Variants in ISM1 observed in about 807,000 individuals in gnomAD.
ISM1 encodes isthmin-1.
Under a neutral mutation model 46.3 loss-of-function variants are expected in ISM1, and 25 were observed. The ratio of observed to expected loss-of-function variants is 0.54; its 90% CI spans 0.39 to 0.75. ISM1 has a LOEUF of 0.75. Ranked by LOEUF, ISM1 falls within the 30% of genes least tolerant of loss-of-function variation. ISM1 has a pLI of 0.00. For synonymous variants in ISM1, 255 were observed against 256.7 expected, an observed-to-expected ratio of 0.99 and a Z score of 0.06; for missense variants, 536 against 625.4, an observed-to-expected ratio of 0.86 and a Z score of 1.52.
intron 4 of ISM1, among the ~76,000 whole-genome samples, chr20:13,291,405 T>C (rs554571428): frequency 6.6e-6 from 1 of 152,300 alleles, no homozygotes; most frequent in East Asian, 1.9e-4. Flanking sequence ...TATTACACTG[T>C]AAAAGTTTGT....
chr20:13,301,676 T>C (rs1444814159), downstream of ISM1, among the ~76,000 whole-genome samples: 1 of 152,062 alleles, frequency 6.6e-6, no homozygotes. Flanking sequence ...CATATAGATT[T>C]GGTTTATAAT....
the ISM1 span, among the ~76,000 whole-genome samples, chr20:13,321,826 G>T: frequency 1.3e-5 from 2 of 152,176 alleles, no homozygotes; most frequent in East Asian, 3.9e-4. Flanking sequence ...TGTGTGTAGA[G>T]ACAGGAGAGG....
At chr20:13,249,706 G>A (rs771513579) in intron 1 of ISM1, among the ~76,000 whole-genome samples, 12 of 152,148 alleles carry the variant, frequency 7.9e-5, no homozygotes, top group African/African-American at 2.2e-4. Flanking sequence ...TTTGCCTTTC[G>A]GAACACACAA....
In ISM1 at chr20:13,299,588, T is replaced by G. The variant is rs2040440645; in HGVS notation, c.*129T>G. On this transcript the variant is annotated 3_prime_UTR_variant, in exon 6 of 6. Coordinates refer to ENST00000262487, the MANE Select transcript of ISM1 (RefSeq NM_080826.2). The surrounding 1 kb of genome is among the most constrained non-coding windows in gnomAD (Gnocchi z 5.8). The stretch of plus-strand genomic sequence containing the variant: ...ATATTTGTATATACCACATGAGTAT[T>G]TCTCATACATTACGCTAGGGGCGTG... The G allele has an allele frequency of 1.1e-6, 1 of 892,328 alleles. No homozygotes were observed. Among genetic ancestry groups the G allele is most frequent in the South Asian group, 1.7e-5 (1 of 58,652 alleles). 55.3% of individuals were successfully genotyped at this position (892,328 alleles called of 1,614,324 possible).
intron 1 of ISM1, among the ~76,000 whole-genome samples, chr20:13,232,197 C>T (rs2039596822): frequency 6.6e-6 from 1 of 152,130 alleles, no homozygotes; most frequent in African/African-American, 2.4e-5. Context: ...AACTAATAAA[C>T]TGTACATATT....
At chr20:13,227,109 C>T (rs1177221711) in intron 1 of ISM1, among the ~76,000 whole-genome samples, 1 of 152,132 alleles carries the variant, frequency 6.6e-6, no homozygotes, top group Non-Finnish European at 1.5e-5. Flanking sequence ...ATTAATATTG[C>T]AACTTCTGCT....
rs557322285 is a variant in ISM1 at position 13,276,531 on chromosome 20, G to A, written c.379-3103G>A. Among the ~76,000 whole-genome samples the A allele has an allele frequency of 2.0e-5, 3 of 152,292 alleles. No homozygotes were observed. In the South Asian group the frequency reaches 6.2e-4, roughly 32 times the overall value. ...AGATTGTGCCAGAAATTGAACTTGAGGCTTTTGAAAGAGTTCCCTTTCTTT... is the reference window on the plus strand; with the variant it reads ...AGATTGTGCCAGAAATTGAACTTGAAGCTTTTGAAAGAGTTCCCTTTCTTT... On this transcript the variant is annotated intron_variant, in intron 2 of 5. Coordinates refer to ENST00000262487, the MANE Select transcript of ISM1 (RefSeq NM_080826.2).
At position 13,221,756 on chromosome 20, in the gene ISM1, A is replaced by G; in HGVS notation, c.-21A>G. 7.0e-7 allele frequency: 1 copy of G among 1,423,692 alleles called. No individual in the cohort carries two copies. Among genetic ancestry groups the G allele is most frequent in the Non-Finnish European group, 9.2e-7 (1 of 1,092,844 alleles). 88.2% of individuals were successfully genotyped at this position (1,423,692 alleles called of 1,614,324 possible). On this transcript the variant is annotated 5_prime_UTR_variant, in exon 1 of 6. It removes the in-frame stop codon of an upstream open reading frame in the 5' UTR. Coordinates refer to ENST00000262487, the MANE Select transcript of ISM1 (RefSeq NM_080826.2). The stretch of plus-strand genomic sequence containing the variant: ...GCCGCCGGCCGCCGCGCCGGGTCCT[A>G]AAGCCGCGCGTCTCAAAAGGATGGT...
chr20:13,243,959 A>G (rs1237837702), intron 1 of ISM1: 1 of 152,220 alleles, frequency 6.6e-6, no homozygotes, highest in East Asian at 1.9e-4. Context: ...TGGAATGAGG[A>G]TAGACCTCAA....
chr20:13,275,356 CT>C (rs1006021215), intron 2 of ISM1, among the ~76,000 whole-genome samples: 1 of 152,120 alleles, frequency 6.6e-6, no homozygotes, highest in African/African-American at 2.4e-5. Flanking sequence ...TCCTTTTTCT[CT>C]AAAATACTTT....
Position 13,248,429 on chromosome 20 carries a change from A to AT in ISM1, c.139-22068dup, listed in dbSNP as rs539492551. Among the ~76,000 whole-genome samples, 237 of 152,214 alleles carry AT rather than the reference A, an allele frequency of 1.6e-3. 1 individual carries two copies. Among genetic ancestry groups the AT allele is most frequent in the Non-Finnish European group, 2.5e-3 (169 of 68,008 alleles). ...AGATGTCTCCACTCCAGAGGAAGCT[A>AT]TTTTTTTAATGCAACACCTTGCCTG... On this transcript the variant is annotated intron_variant, in intron 1 of 5. Transcript: ENST00000262487.
chr20:13,292,262 T>C (rs2040361469), intron 4 of ISM1, 112 bp from the exon 5 acceptor site: 1 of 676,010 alleles, frequency 1.5e-6, no homozygotes, highest in Non-Finnish European at 2.6e-6. Flanking sequence ...CCGTGAGTAG[T>C]AATGAATACA....
chr20:13,310,862 G>C, the ISM1 span, among the ~76,000 whole-genome samples: 3 of 152,140 alleles, frequency 2.0e-5, no homozygotes, highest in African/African-American at 7.2e-5. Context: ...AACTACAATA[G>C]GATATTACTT....
intron 3 of ISM1, among the ~76,000 whole-genome samples, chr20:13,282,299 T>C (rs948180700): frequency 4.6e-5 from 7 of 152,164 alleles, no homozygotes; most frequent in African/African-American, 1.7e-4. Context: ...ATCTCCTGAA[T>C]GAGAAGGTCT....
At chr20:13,283,191 G>A (rs564472024) in intron 3 of ISM1, among the ~76,000 whole-genome samples, 1 of 152,202 alleles carries the variant, frequency 6.6e-6, no homozygotes, top group Non-Finnish European at 1.5e-5. Context: ...TAATCCCACA[G>A]ACCCACTTTT....
chr20:13,254,037 G>A (rs2039898485), intron 1 of ISM1, among the ~76,000 whole-genome samples: 1 of 144,478 alleles, frequency 6.9e-6, no homozygotes, highest in Non-Finnish European at 1.5e-5. Flanking sequence ...GGCCAACATG[G>A]CAAAACCCCA....
chr20:13,300,364 T>G lies in ISM1; in HGVS notation c.*905T>G, dbSNP rs1219806581. 6.6e-6 allele frequency: 1 copy of G among 152,152 alleles called. No homozygotes were observed. Among genetic ancestry groups the G allele is most frequent in the African/African-American group, 2.4e-5 (1 of 41,428 alleles). 9.4% of individuals were successfully genotyped at this position (152,152 alleles called of 1,614,324 possible). ...CCGCATTTCACCTATTTTAATACTA[T>G]TTTAACAATTTTTTCATCTACCAAT... On this transcript the variant is annotated 3_prime_UTR_variant, in exon 6 of 6. Coordinates refer to ENST00000262487, the MANE Select transcript of ISM1 (RefSeq NM_080826.2).
chr20:13,317,231 A>G, the ISM1 span, among the ~76,000 whole-genome samples: 9 of 126,842 alleles, frequency 7.1e-5, no homozygotes, highest in South Asian at 1.3e-3. Flanking sequence ...AATAAAATAC[A>G]TACAAGATCT....
intron 2 of ISM1, among the ~76,000 whole-genome samples, chr20:13,277,642 C>G (rs2327769): frequency 0.12 from 16,910 of 140,978 alleles, 1,631 homozygotes; most frequent in East Asian, 0.31. Context: ...TCCCCCCTAC[C>G]CTTTTTTTTT....
Sources: allele counts gnomAD v4.1 joint callset (sites outside exome capture counted in the v4.1 genomes callset), GRCh38; gene constraint gnomAD v4.1.1; non-coding constraint Gnocchi (gnomAD v3.1); transcripts MANE v1.5; gene names NCBI Gene and HGNC (gene_info 2026-07-23, HGNC 2026-07-21).